The following ADK variants were observed in gnomAD, a reference collection of about 807,000 sequenced individuals.
The protein encoded by ADK is adenosine kinase, also known as N6,N6-dimethyladenosine kinase.
A neutral mutation model predicts 44.7 loss-of-function variants in ADK; 24 were observed. That is an observed-to-expected ratio of 0.54 (90% confidence interval 0.39 to 0.76). The LOEUF (loss-of-function observed/expected upper bound fraction) is 0.76. Ranked by LOEUF, ADK falls within the 30% of genes least tolerant of loss-of-function variation. The probability of loss-of-function intolerance (pLI) is 0.00; values close to 1 mark genes in which losing one functional copy is unlikely to be tolerated. For missense variants in ADK, 321 were observed against 425.1 expected (o/e 0.76, Z 2.15); for synonymous variants, 128 against 142.6 (o/e 0.90, Z 0.73).
At position 74,382,396 on chromosome 10, in the gene ADK, G is replaced by A. The variant is rs186724638; in HGVS notation, c.274-11745G>A. Among the ~76,000 whole-genome samples the A allele has an allele frequency of 3.9e-5, 6 of 152,258 alleles. No individual in the cohort carries two copies. The East Asian group carries it at 1.2e-3, about 29-fold the overall frequency. On this transcript the variant is annotated intron_variant, in intron 4 of 10. Transcript: ENST00000539909. ...TTGCAGGTGTGAGCCACCGCACCTG[G>A]CCCTTTCTCACCGTTTTGTCCTGGT...
In ADK at chr10:74,356,772, T is replaced by C. The variant is rs986128095; in HGVS notation, c.274-37369T>C. Among the ~76,000 whole-genome samples the C allele has an allele frequency of 2.6e-5, 4 of 152,226 alleles. No homozygotes were observed. In the South Asian group the frequency reaches 8.3e-4, roughly 32 times the overall value. On this transcript the variant is annotated intron_variant, in intron 4 of 10. Coordinates refer to ENST00000539909, the MANE Select transcript of ADK (RefSeq NM_006721.4). ...TCCCATTTACAGATGGGAACCAGAGTGTTGGGAGACAGGTCATGGATTTCT... is the reference window on the plus strand; with the variant it reads ...TCCCATTTACAGATGGGAACCAGAGCGTTGGGAGACAGGTCATGGATTTCT...
chr10:74,254,037 G>T (rs1283409450), intron 3 of ADK, among the ~76,000 whole-genome samples: 3 of 152,100 alleles, frequency 2.0e-5, no homozygotes, highest in Non-Finnish European at 2.9e-5. Flanking sequence ...AAAGTGCTGG[G>T]ATTACAGGTG....
At chr10:74,616,252 T>C (rs1176746187) in intron 9 of ADK, among the ~76,000 whole-genome samples, 1 of 152,232 alleles carries the variant, frequency 6.6e-6, no homozygotes, top group Non-Finnish European at 1.5e-5. Context: ...TTTCCCCTTA[T>C]GATTAATGCT....
chr10:74,371,868 A>G, intron 4 of ADK: 1 of 1,431,378 alleles, frequency 7.0e-7, no homozygotes. Context: ...CACTAACCAC[A>G]TCCAGGCAGC....
chr10:74,476,173 G>T (rs1846829244), intron 6 of ADK, among the ~76,000 whole-genome samples: 1 of 152,090 alleles, frequency 6.6e-6, no homozygotes, highest in Non-Finnish European at 1.5e-5. Flanking sequence ...ACTTATTTAT[G>T]CAAACCTAGT....
At chr10:74,534,107 G>A (rs1241851923) in intron 7 of ADK, among the ~76,000 whole-genome samples, 2 of 152,248 alleles carry the variant, frequency 1.3e-5, no homozygotes, top group East Asian at 3.9e-4. Flanking sequence ...TTGTTGTCTG[G>A]GGACAGGGTT....
intron 8 of ADK, among the ~76,000 whole-genome samples, chr10:74,591,516 T>C (rs769060433): frequency 6.6e-6 from 1 of 152,192 alleles, no homozygotes; most frequent in Non-Finnish European, 1.5e-5. Context: ...AATCCATGTA[T>C]GGAACACTAT....
chr10:74,526,177 T>G (rs1849032539), intron 7 of ADK, among the ~76,000 whole-genome samples: 1 of 151,986 alleles, frequency 6.6e-6, no homozygotes, highest in African/African-American at 2.4e-5. Context: ...TATATTACAT[T>G]TATATTTCTT....
At chr10:74,600,802 T>C (rs1028341919) in intron 9 of ADK, among the ~76,000 whole-genome samples, 18 of 151,964 alleles carry the variant, frequency 1.2e-4, no homozygotes, top group African/African-American at 4.3e-4. Context: ...ATTTATAAAA[T>C]ACCTGCACTA....
At position 74,634,260 on chromosome 10, in the gene ADK, A is replaced by AGT; in HGVS notation, c.877+33769_877+33770dup. ...CGCCCTGCCTTCCAGGCTGGAGTGC[A>AGT]GTGGAGTGCAGTGGCGCGATCTCGG... On this transcript the variant is annotated intron_variant, in intron 9 of 10. Coordinates refer to ENST00000539909, the MANE Select transcript of ADK (RefSeq NM_006721.4). Among the ~76,000 whole-genome samples, 6 of 151,962 alleles carry AGT rather than the reference A, an allele frequency of 3.9e-5. No individual in the cohort carries two copies. In the East Asian group the frequency reaches 1.2e-3, roughly 30 times the overall value.
intron 7 of ADK, among the ~76,000 whole-genome samples, chr10:74,531,408 A>G (rs1346485232): frequency 1.3e-5 from 2 of 152,226 alleles, no homozygotes; most frequent in African/African-American, 4.8e-5. Flanking sequence ...AAAGTACTAA[A>G]TCATACTCAA....
intron 7 of ADK, among the ~76,000 whole-genome samples, chr10:74,549,456 C>T (rs945778238): frequency 6.6e-6 from 1 of 152,090 alleles, no homozygotes; most frequent in African/African-American, 2.4e-5. Flanking sequence ...TATTTAGAGA[C>T]AGGGTCTCAC....
intron 3 of ADK, among the ~76,000 whole-genome samples, chr10:74,273,667 A>C (rs1385945741): frequency 1.3e-5 from 2 of 152,144 alleles, no homozygotes; most frequent in African/African-American, 4.8e-5. Context: ...CATGTTGGCC[A>C]GGCTGGTCTC....
intron 7 of ADK, among the ~76,000 whole-genome samples, chr10:74,545,661 T>C (rs1014823663): frequency 1.3e-5 from 2 of 152,188 alleles, no homozygotes; most frequent in African/African-American, 4.8e-5. Flanking sequence ...ATAGGGTTTG[T>C]GTTAGATATT....
chr10:74,666,830 C>CTTTTTTTTTTTTTTTTT (rs11317030), intron 9 of ADK, among the ~76,000 whole-genome samples: 1 of 109,050 alleles, frequency 9.2e-6, no homozygotes, highest in Non-Finnish European at 1.9e-5. Context: ...AGTTTTGTGA[C>CTTTTTTTTTTTTTTTTT]TTTTTTTTTT....
In ADK at chr10:74,488,374, C is replaced by CGTGTGTGTGT. The variant is rs60178427; in HGVS notation, c.556-36859_556-36850dup. ...TCCAGTGGTTTGAGGGGAAAAAAGACGTGTGTGTGTGTGTGTGTGTGTGTG... is the reference window on the plus strand; with the variant it reads ...TCCAGTGGTTTGAGGGGAAAAAAGACGTGTGTGTGTGTGTGTGTGTGTGTGTGTGTGTGTG... On this transcript the variant is annotated intron_variant, in intron 6 of 10. Coordinates refer to ENST00000539909, the MANE Select transcript of ADK (RefSeq NM_006721.4). Among the ~76,000 whole-genome samples the CGTGTGTGTGT allele has an allele frequency of 6.4e-4, 90 of 140,868 alleles. 2 individuals are homozygous for CGTGTGTGTGT. Among genetic ancestry groups the CGTGTGTGTGT allele is most frequent in the Middle Eastern group, 3.6e-3 (1 of 274 alleles). 92.4% of individuals were successfully genotyped at this position (140,868 alleles called of 152,430 possible).
intron 9 of ADK, among the ~76,000 whole-genome samples, chr10:74,639,818 AGAGC>A (rs1456863932): frequency 6.6e-6 from 1 of 152,226 alleles, no homozygotes; most frequent in Admixed American, 6.5e-5. Flanking sequence ...CCTGGGTGAC[AGAGC>A]GAGCAAGAGC....
At chr10:74,452,022 C>T (rs1315297068) in intron 6 of ADK, among the ~76,000 whole-genome samples, 1 of 151,216 alleles carries the variant, frequency 6.6e-6, no homozygotes, top group East Asian at 1.9e-4. Context: ...TATAACTTCT[C>T]GGTGTATAGA....
intron 10 of ADK, among the ~76,000 whole-genome samples, chr10:74,686,101 G>A (rs7080815): frequency 0.7 from 105,656 of 151,798 alleles, 36,977 homozygotes; most frequent in Middle Eastern, 0.79. Flanking sequence ...AGCTGGGACT[G>A]CAGGTGCCCA....
Sources: allele counts gnomAD v4.1 joint callset (sites outside exome capture counted in the v4.1 genomes callset), GRCh38; gene constraint gnomAD v4.1.1; transcripts MANE v1.5; gene names NCBI Gene and HGNC (gene_info 2026-07-23, HGNC 2026-07-21).